The following MAP2K1 variants were observed in gnomAD, a reference collection of about 807,000 sequenced individuals.
MAP2K1 encodes mitogen-activated protein kinase kinase 1.
A neutral mutation model predicts 46.3 loss-of-function variants in MAP2K1; 16 were observed. That is an observed-to-expected ratio of 0.35 (90% CI 0.23 to 0.52). The LOEUF is 0.52. MAP2K1 is among the 20% of genes least tolerant of loss of function. MAP2K1 has a pLI of 0.94. For synonymous variants in MAP2K1, 183 were observed against 185.6 expected (o/e 0.99, Z 0.11); for missense variants, 263 against 497.1 (o/e 0.53, Z 4.48).
At chr15:66,396,261 G>A (rs907686013) in intron 1 of MAP2K1, among the ~76,000 whole-genome samples, 17 of 152,096 alleles carry the variant, frequency 1.1e-4, no homozygotes, top group Middle Eastern at 3.4e-3. Context: ...GGGATTACAG[G>A]TGTGAGTCAC....
At chr15:66,418,621 C>T (rs1430021024) in intron 1 of MAP2K1, among the ~76,000 whole-genome samples, 1 of 152,242 alleles carries the variant, frequency 6.6e-6, no homozygotes. Flanking sequence ...GTTTAGTGGT[C>T]ACCACCAGAC....
intron 1 of MAP2K1, among the ~76,000 whole-genome samples, chr15:66,399,343 C>G (rs2093376022): frequency 6.6e-6 from 1 of 152,202 alleles, no homozygotes; most frequent in Non-Finnish European, 1.5e-5. Flanking sequence ...GTCTTATGTA[C>G]TTTAATGTCA....
chr15:66,402,336 A>C (rs1287761401), intron 1 of MAP2K1, among the ~76,000 whole-genome samples: 1 of 152,140 alleles, frequency 6.6e-6, no homozygotes, highest in African/African-American at 2.4e-5. Flanking sequence ...TGTCTAAGTT[A>C]ATTTTTCTCC....
chr15:66,429,520 C>T (rs897074205), intron 1 of MAP2K1, among the ~76,000 whole-genome samples: 4 of 152,276 alleles, frequency 2.6e-5, no homozygotes, highest in East Asian at 1.9e-4. Context: ...AGCACATATA[C>T]ACATTCCTAG....
intron 1 of MAP2K1, among the ~76,000 whole-genome samples, chr15:66,421,111 CACACACACACACACATAT>C (rs2093442150): frequency 1.2e-5 from 1 of 82,050 alleles, no homozygotes; most frequent in African/African-American, 3.3e-5. Context: ...CACACACACA[CACACACACACACACATAT>C]ATATATATAT....
intron 5 of MAP2K1, among the ~76,000 whole-genome samples, chr15:66,445,551 G>C (rs1035046923): frequency 6.6e-6 from 1 of 152,198 alleles, no homozygotes; most frequent in South Asian, 2.1e-4. Context: ...TAAAGAAGCT[G>C]TATTTCTTGT....
intron 1 of MAP2K1, among the ~76,000 whole-genome samples, chr15:66,408,791 T>TA (rs2093404237): frequency 6.6e-6 from 1 of 152,150 alleles, no homozygotes; most frequent in African/African-American, 2.4e-5. Flanking sequence ...ATCTTCATCT[T>TA]ACGTCAAAGC....
intron 6 of MAP2K1, 112 bp downstream of exon 6, chr15:66,481,991 G>T: frequency 7.6e-7 from 1 of 1,310,072 alleles, no homozygotes. Context: ...GACAAGAAGT[G>T]AGGGAGGAGG....
chr15:66,429,464 C>CAT (rs914896788), intron 1 of MAP2K1, among the ~76,000 whole-genome samples: 2 of 152,130 alleles, frequency 1.3e-5, no homozygotes, highest in African/African-American at 4.8e-5. Context: ...AGAGCCAAAC[C>CAT]ATATCATATA....
At chr15:66,410,232 T>C (rs2093408038) in intron 1 of MAP2K1, among the ~76,000 whole-genome samples, 1 of 152,210 alleles carries the variant, frequency 6.6e-6, no homozygotes, top group African/African-American at 2.4e-5. Context: ...TGAATAAAAG[T>C]GAATACTTGT....
intron 5 of MAP2K1, among the ~76,000 whole-genome samples, chr15:66,449,841 A>G (rs900505652): frequency 1.3e-5 from 2 of 152,176 alleles, no homozygotes; most frequent in Admixed American, 1.3e-4. Flanking sequence ...AGATCATGCC[A>G]TTGCACTCCA....
intron 1 of MAP2K1, chr15:66,415,224 C>A: frequency 2.2e-6 from 1 of 450,054 alleles, no homozygotes. Context: ...GTCCACTGTC[C>A]CTGTGTCATC....
At chr15:66,488,166 C>T (rs1893111709) in intron 8 of MAP2K1, among the ~76,000 whole-genome samples, 1 of 152,182 alleles carries the variant, frequency 6.6e-6, no homozygotes, top group South Asian at 2.1e-4. Flanking sequence ...CTAGCTCTTT[C>T]CTGTTCAGAA....
intron 2 of MAP2K1, 62 bp downstream of exon 2, chr15:66,435,299 AC>A (rs2093484990): frequency 2.9e-6 from 4 of 1,381,108 alleles, no homozygotes; most frequent in Non-Finnish European, 4.1e-6. Flanking sequence ...AAGCCTGGGG[AC>A]CAGGGTAGAA....
intron 1 of MAP2K1, among the ~76,000 whole-genome samples, chr15:66,415,859 G>A (rs2093423376): frequency 6.6e-6 from 1 of 152,204 alleles, no homozygotes. Context: ...GTAGTTATCT[G>A]AGGGAAGGTG....
At chr15:66,433,057 G>A (rs558115347) in intron 1 of MAP2K1, among the ~76,000 whole-genome samples, 3 of 150,442 alleles carry the variant, frequency 2.0e-5, no homozygotes, top group South Asian at 2.1e-4. Context: ...TCAGGCAGCT[G>A]TAACCTCACT....
intron 1 of MAP2K1, among the ~76,000 whole-genome samples, chr15:66,412,705 G>A (rs80326387): frequency 0.21 from 32,467 of 151,808 alleles, 4,120 homozygotes; most frequent in South Asian, 0.33. Context: ...GTTTTGAGAT[G>A]GGGTCTTGCC....
intron 1 of MAP2K1, among the ~76,000 whole-genome samples, chr15:66,405,679 G>A (rs1013703909): frequency 5.9e-5 from 9 of 152,146 alleles, no homozygotes; most frequent in Admixed American, 2.0e-4. Context: ...GAGTGACTCC[G>A]CTACTCTCCC....
chr15:66,410,497 A>G (rs2093408718), intron 1 of MAP2K1, among the ~76,000 whole-genome samples: 1 of 152,268 alleles, frequency 6.6e-6, no homozygotes, highest in South Asian at 2.1e-4. Context: ...TTAATCTGAA[A>G]TGATAACACA....
Sources: allele counts gnomAD v4.1 joint callset (sites outside exome capture counted in the v4.1 genomes callset), GRCh38; gene constraint gnomAD v4.1.1; transcripts MANE v1.5; gene names NCBI Gene and HGNC (gene_info 2026-07-23, HGNC 2026-07-21).